Variants in MALRD1 observed in about 807,000 individuals in gnomAD.
MALRD1 encodes MAM and LDL receptor class A domain containing 1, also known as MAM and LDL-receptor class A domain-containing protein 1.
Under a neutral mutation model 242.1 loss-of-function variants are expected in MALRD1, and 247 were observed. The observed-to-expected ratio is 1.02, with a 90% CI of 0.92 to 1.13. MALRD1 has a LOEUF of 1.13. MALRD1 is among the 50% of genes most tolerant of loss of function. The pLI is 0.00. For missense variants in MALRD1, 2,989 were observed against 2,533.1 expected (o/e 1.18, Z -3.86); for synonymous variants, 995 against 866.6 (o/e 1.15, Z -2.60).
At chr10:19,707,261 A>C (rs1205827667) in intron 38 of MALRD1, among the ~76,000 whole-genome samples, 3 of 151,398 alleles carry the variant, frequency 2.0e-5, no homozygotes, top group South Asian at 2.1e-4. Context: ...CCTCCAGCTT[A>C]AGGTGGTAAC....
At chr10:19,069,360 A>T (rs1347387518) in intron 2 of MALRD1, among the ~76,000 whole-genome samples, 5 of 152,066 alleles carry the variant, frequency 3.3e-5, no homozygotes, top group Non-Finnish European at 5.9e-5. Context: ...GCGTTCACAT[A>T]TATTGGTTCT....
rs569911882 is a variant in MALRD1, at chr10:19,223,769, A to G, written c.2991+14089A>G. Among the ~76,000 whole-genome samples, 11 of 151,512 alleles carry G rather than the reference A, an allele frequency of 7.3e-5. 1 individual carries two copies. The South Asian group carries it at 2.1e-3, about 29-fold the overall frequency. ...TGTGTCTATGTGTTCTCATTGTTCA[A>G]CTCCCACTTATGAGTGAGAACATGT... is the stretch of plus-strand genomic sequence containing the variant. On this transcript the variant is annotated intron_variant, in intron 18 of 39. Coordinates refer to ENST00000454679, the MANE Select transcript of MALRD1 (RefSeq NM_001142308.3).
At chr10:19,355,664 C>T (rs1844593313) in intron 26 of MALRD1, among the ~76,000 whole-genome samples, 1 of 150,680 alleles carries the variant, frequency 6.6e-6, no homozygotes, top group South Asian at 2.1e-4. Context: ...CTATAAGCTA[C>T]TTGATGTACC....
At chr10:19,146,085 C>G (rs1464044495) in intron 10 of MALRD1, 113 bp from the exon 11 acceptor site, 3 of 742,158 alleles carry the variant, frequency 4.0e-6, no homozygotes, top group Non-Finnish European at 5.5e-6. Flanking sequence ...AGAATATTCA[C>G]TACCAAGCAG....
intron 22 of MALRD1, among the ~76,000 whole-genome samples, chr10:19,325,374 C>T (rs528944661): frequency 1.3e-4 from 20 of 151,030 alleles, no homozygotes; most frequent in African/African-American, 4.9e-4. Flanking sequence ...TTTATCCTGT[C>T]CTGTCTCTGG....
In MALRD1 at chr10:19,387,527, G is replaced by A. The variant is rs1846135385; in HGVS notation, c.4442-1G>A. 1 of 1,548,960 alleles carries A rather than the reference G, an allele frequency of 6.5e-7. No homozygotes were observed. Among genetic ancestry groups the A allele is most frequent in the African/African-American group, 1.4e-5 (1 of 72,898 alleles). ...TCTTGTTTTCTTTTGTTTTGTTTTA[G>A]GTTTCTGCCCACTTGGCTATAGGGA... On this transcript the variant is annotated splice_acceptor_variant, in intron 26 of 39. Coordinates refer to ENST00000454679, the MANE Select transcript of MALRD1 (RefSeq NM_001142308.3). LOFTEE classifies it high-confidence loss of function.
intron 31 of MALRD1, among the ~76,000 whole-genome samples, chr10:19,515,590 C>T (rs895894138): frequency 1.5e-4 from 23 of 151,724 alleles, no homozygotes; most frequent in Admixed American, 8.5e-4. Context: ...GACAGAGTCT[C>T]GCTCTGTTGC....
At chr10:19,346,847 A>G (rs942724320) in intron 24 of MALRD1, among the ~76,000 whole-genome samples, 5 of 151,898 alleles carry the variant, frequency 3.3e-5, no homozygotes, top group Non-Finnish European at 5.9e-5. Context: ...ATGGGGTTTT[A>G]CCGTGTTGGC....
chr10:19,592,815 A>G (rs1361697357), intron 33 of MALRD1, among the ~76,000 whole-genome samples: 1 of 152,002 alleles, frequency 6.6e-6, no homozygotes. Flanking sequence ...ACTGGGAAAC[A>G]TAAAAGTCTT....
chr10:19,554,208 T>C lies in MALRD1; in HGVS notation c.5479-13294T>C, dbSNP rs188255720. ...ATAAAGTAAGGAGGTTTGTTTTGGC[T>C]CACAGTTCTGTAGGTTCTACAGGAA... On this transcript the variant is annotated intron_variant, in intron 32 of 39. Coordinates refer to ENST00000454679, the MANE Select transcript of MALRD1 (RefSeq NM_001142308.3). Among the ~76,000 whole-genome samples the C allele has an allele frequency of 2.1e-3, 314 of 152,220 alleles. 2 individuals are homozygous for C. The highest frequency in any genetic ancestry group is 6.2e-3 in the African/African-American group (256 of 41,544).
At chr10:19,621,443 A>G (rs994543417) in intron 36 of MALRD1, among the ~76,000 whole-genome samples, 24 of 151,456 alleles carry the variant, frequency 1.6e-4, no homozygotes, top group Non-Finnish European at 7.4e-5. Context: ...AAAAAATGAA[A>G]TTGAAAAAGT....
intron 28 of MALRD1, among the ~76,000 whole-genome samples, chr10:19,446,236 G>C (rs1035906825): frequency 6.6e-6 from 1 of 151,946 alleles, no homozygotes; most frequent in Non-Finnish European, 1.5e-5. Flanking sequence ...TGTGGTTCCC[G>C]TGTGAGGTGA....
chr10:19,176,054 C>G (rs1417304738), intron 14 of MALRD1, among the ~76,000 whole-genome samples: 1 of 152,130 alleles, frequency 6.6e-6, no homozygotes, highest in Non-Finnish European at 1.5e-5. Flanking sequence ...TCTGACCACT[C>G]CTACCCTCAG....
At chr10:19,466,593 G>A (rs1279925020) in intron 29 of MALRD1, among the ~76,000 whole-genome samples, 3 of 152,056 alleles carry the variant, frequency 2.0e-5, no homozygotes, top group East Asian at 1.9e-4. Context: ...CTCTCTCCAC[G>A]GCTTGAAGAT....
chr10:19,125,491 A>G (rs985740928), intron 7 of MALRD1, among the ~76,000 whole-genome samples: 3 of 142,336 alleles, frequency 2.1e-5, no homozygotes, highest in Admixed American at 7.1e-5. Context: ...TCTTGCTAAC[A>G]TATTAATTTG....
At chr10:19,468,885 CT>C in intron 29 of MALRD1, among the ~76,000 whole-genome samples, 1 of 151,992 alleles carries the variant, frequency 6.6e-6, no homozygotes, top group Admixed American at 6.6e-5. Context: ...AAAGGTAAAA[CT>C]TTGTTTTCCT....
intron 36 of MALRD1, among the ~76,000 whole-genome samples, chr10:19,655,350 T>G (rs1841092142): frequency 6.6e-6 from 1 of 151,904 alleles, no homozygotes. Context: ...AGTAATTTTA[T>G]AAACCATTTC....
In MALRD1 at chr10:19,209,605, G is replaced by A. The variant is rs936592795; in HGVS notation, c.2916G>A (p.Leu972=). The change falls in exon 18 of 40, where the codon CTG becomes CTA. Residue 972 remains leucine, a synonymous_variant. Transcript: ENST00000454679. ...GGAGTGACTCAAGGGGACAGCTGCT[G>A]TGGCAGATATTTGGGAATCAAGGCA... ...RIWSDSRGQL[L]WQIFGNQGNR... The A allele has an allele frequency of 5.2e-6, 8 of 1,550,900 alleles. No individual in the cohort carries two copies. Among genetic ancestry groups the A allele is most frequent in the Non-Finnish European group, 7.0e-6 (8 of 1,147,090 alleles).
At chr10:19,713,590 G>A (rs1834244139) in intron 38 of MALRD1, among the ~76,000 whole-genome samples, 2 of 152,220 alleles carry the variant, frequency 1.3e-5, no homozygotes, top group African/African-American at 4.8e-5. Flanking sequence ...TTGCTAGGTG[G>A]TTGCTAAGGG....
Sources: gnomAD v4.1 joint callset for allele counts (sites outside exome capture counted in the v4.1 genomes callset) on GRCh38, gnomAD v4.1.1 for gene constraint, MANE v1.5 for transcripts, NCBI Gene and HGNC (gene_info 2026-07-23, HGNC 2026-07-21) for gene names.